KIAA0825: variants seen among roughly 807,000 people sequenced by gnomAD.
The protein encoded by KIAA0825 is KIAA0825.
Under a neutral mutation model 147.6 loss-of-function variants are expected in KIAA0825, and 119 were observed. The ratio of observed to expected loss-of-function variants is 0.81; its 90% CI spans 0.69 to 0.94. The LOEUF is 0.94. KIAA0825 is among the 40% of genes least tolerant of loss of function. The pLI is 0.00. For synonymous variants in KIAA0825, 470 were observed against 518.1 expected (o/e 0.91, Z 1.26); for missense variants, 1,381 against 1,472.7 (o/e 0.94, Z 1.02).
At chr5:94,300,691 G>A (rs899078765) in intron 20 of KIAA0825, among the ~76,000 whole-genome samples, 3 of 152,054 alleles carry the variant, frequency 2.0e-5, no homozygotes, top group African/African-American at 7.2e-5. Context: ...AAAGGCTATG[G>A]CTAAACAAAA....
At chr5:94,516,656 T>C (rs961160360) in intron 5 of KIAA0825, among the ~76,000 whole-genome samples, 1 of 148,658 alleles carries the variant, frequency 6.7e-6, no homozygotes, top group Non-Finnish European at 1.5e-5. Flanking sequence ...CCGGGCGCAG[T>C]GGCGGGCGCC....
chr5:94,392,519 G>A (rs886126974), intron 17 of KIAA0825, among the ~76,000 whole-genome samples: 1 of 152,168 alleles, frequency 6.6e-6, no homozygotes, highest in Non-Finnish European at 1.5e-5. Flanking sequence ...GATATTCAAT[G>A]TACACATATA....
intron 20 of KIAA0825, among the ~76,000 whole-genome samples, chr5:94,344,672 T>C (rs1006771276): frequency 3.9e-5 from 6 of 152,210 alleles, no homozygotes; most frequent in Non-Finnish European, 8.8e-5. Flanking sequence ...AAGTTGTACA[T>C]TGATAGATAA....
At chr5:94,586,174 A>G (rs1783245358) in intron 1 of KIAA0825, among the ~76,000 whole-genome samples, 1 of 152,224 alleles carries the variant, frequency 6.6e-6, no homozygotes, top group African/African-American at 2.4e-5. Context: ...GCAGAAGACA[A>G]GAAATAACTA....
intron 20 of KIAA0825, among the ~76,000 whole-genome samples, chr5:94,207,313 G>A (rs924541028): frequency 2.0e-5 from 3 of 152,126 alleles, no homozygotes; most frequent in African/African-American, 7.2e-5. Context: ...ACAACCCCAG[G>A]TGTTGCAAAG....
intron 20 of KIAA0825, among the ~76,000 whole-genome samples, chr5:94,283,632 T>G (rs1197425121): frequency 6.6e-6 from 1 of 152,180 alleles, no homozygotes; most frequent in Non-Finnish European, 1.5e-5. Context: ...ATTTAAGAGA[T>G]AAATTTTAGC....
intron 14 of KIAA0825, among the ~76,000 whole-genome samples, chr5:94,429,134 T>G (rs1755298582): frequency 6.6e-6 from 1 of 152,340 alleles, no homozygotes; most frequent in East Asian, 1.9e-4. Context: ...CAATCTTGTC[T>G]TGGATCTCAT....
At chr5:94,460,938 T>C (rs1234912361) in intron 12 of KIAA0825, among the ~76,000 whole-genome samples, 6 of 152,004 alleles carry the variant, frequency 3.9e-5, no homozygotes, top group Non-Finnish European at 7.4e-5. Flanking sequence ...CAAAGCAATA[T>C]AGTTATCTAT....
At chr5:94,482,323 TA>T in intron 6 of KIAA0825, among the ~76,000 whole-genome samples, 1 of 152,148 alleles carries the variant, frequency 6.6e-6, no homozygotes, top group East Asian at 1.9e-4. Context: ...TGGACATTTT[TA>T]AAAAATCTGC....
intron 2 of KIAA0825, among the ~76,000 whole-genome samples, chr5:94,580,032 C>T (rs948879271): frequency 2.0e-5 from 3 of 152,068 alleles, no homozygotes; most frequent in African/African-American, 7.2e-5. Flanking sequence ...AATGCTATAT[C>T]AGAGAAGCCA....
chr5:94,180,153 CAT>C (rs1321259924), intron 20 of KIAA0825, among the ~76,000 whole-genome samples: 30 of 151,936 alleles, frequency 2.0e-4, no homozygotes, highest in African/African-American at 6.3e-4. Context: ...TCAAGGGTAA[CAT>C]CACCAGTAAT....
At chr5:94,352,306 A>G (rs1783761579) in intron 20 of KIAA0825, among the ~76,000 whole-genome samples, 1 of 152,240 alleles carries the variant, frequency 6.6e-6, no homozygotes, top group African/African-American at 2.4e-5. Context: ...TGGCCAACAA[A>G]CATATGAGAA....
intron 6 of KIAA0825, among the ~76,000 whole-genome samples, chr5:94,478,767 G>A (rs939915589): frequency 6.6e-6 from 1 of 152,048 alleles, no homozygotes; most frequent in Non-Finnish European, 1.5e-5. Context: ...CTCATTAAAA[G>A]AAAATATGGA....
At chr5:94,554,640 A>T (rs534445329) in intron 2 of KIAA0825, among the ~76,000 whole-genome samples, 2 of 148,812 alleles carry the variant, frequency 1.3e-5, no homozygotes, top group South Asian at 4.2e-4. Context: ...TAAAGCTAAA[A>T]TGGCTAAATA....
At chr5:94,562,497 T>C (rs1561317841) in intron 2 of KIAA0825, among the ~76,000 whole-genome samples, 1 of 152,214 alleles carries the variant, frequency 6.6e-6, no homozygotes, top group Non-Finnish European at 1.5e-5. Flanking sequence ...TTCCCTTCAC[T>C]TCATCTGATT....
chr5:94,181,038 C>A (rs1345537586), intron 20 of KIAA0825, among the ~76,000 whole-genome samples: 2 of 152,078 alleles, frequency 1.3e-5, no homozygotes, highest in Non-Finnish European at 2.9e-5. Flanking sequence ...GAGTTTTTAC[C>A]ATTTTTAGTA....
At chr5:94,580,968 T>A (rs1782052283) in intron 2 of KIAA0825, among the ~76,000 whole-genome samples, 2 of 148,136 alleles carry the variant, frequency 1.4e-5, no homozygotes, top group Admixed American at 1.4e-4. Context: ...CTATGACAAG[T>A]GTTACTTTAA....
intron 2 of KIAA0825, among the ~76,000 whole-genome samples, chr5:94,546,462 T>A (rs918506503): frequency 6.6e-6 from 1 of 151,850 alleles, no homozygotes; most frequent in Admixed American, 6.5e-5. Flanking sequence ...GTTCTAGTGG[T>A]GGTGGCCACA....
chr5:94,384,378 G>C lies in KIAA0825; in HGVS notation c.3700C>G (p.Leu1234Val). 6.4e-7 allele frequency: 1 copy of C among 1,551,730 alleles called. No homozygotes were observed. The highest frequency in any genetic ancestry group is 8.7e-7 in the Non-Finnish European group (1 of 1,146,876). The change falls in exon 20 of 21, where the codon CTC becomes GTC. Residue 1234 changes from leucine (L) to valine (V), a missense_variant. Coordinates refer to ENST00000682413, the MANE Select transcript of KIAA0825 (RefSeq NM_001145678.3). Reference protein sequence around the residue: ...RLDKMTFSVLLKNRWEMKKDE... With the variant: ...RLDKMTFSVLVKNRWEMKKDE... ...CCCCAATTTTATTACCTGTTTTTGA[G>C]CAGCACACTGAAGGTCATCTTATCC...
Sources: gnomAD v4.1 joint callset for allele counts (sites outside exome capture counted in the v4.1 genomes callset) on GRCh38, gnomAD v4.1.1 for gene constraint, MANE v1.5 for transcripts, NCBI Gene and HGNC (gene_info 2026-07-23, HGNC 2026-07-21) for gene names.